COL4A3: variants seen among roughly 807,000 people sequenced by gnomAD.
The protein encoded by COL4A3 is collagen alpha-3(IV) chain.
In COL4A3, 135 loss-of-function variants were observed where a neutral mutation model predicts 217.4. That is an observed-to-expected ratio of 0.62 (90% CI 0.54 to 0.72). The LOEUF (loss-of-function observed/expected upper bound fraction) is 0.72. COL4A3 is among the 30% of genes least tolerant of loss of function. The probability of loss-of-function intolerance (pLI) is 0.00; values close to 1 mark genes in which losing one functional copy is unlikely to be tolerated. For synonymous variants in COL4A3, 690 were observed against 736.3 expected (o/e 0.94, Z 1.02); for missense variants, 1,868 against 2,119.9 (o/e 0.88, Z 2.33).
Position 227,297,679 on chromosome 2 carries a change from A to G in COL4A3, c.3571A>G (p.Lys1191Glu). The G allele has an allele frequency of 6.2e-7, 1 of 1,607,576 alleles. No individual in the cohort carries two copies. Among genetic ancestry groups the G allele is most frequent in the African/African-American group, 1.3e-5 (1 of 75,024 alleles). Residue 1191 changes from lysine to glutamate, a missense_variant, in exon 42 of 52, where the codon AAA becomes GAA. Around this residue, in one of 2 missense-constraint regions of COL4A3, gnomAD observed 1,503 missense variants for 1,786.1 expected, o/e 0.84. Coordinates refer to ENST00000396578, the MANE Select transcript of COL4A3 (RefSeq NM_000091.5). Reference protein sequence around the residue: ...PRGNPGAQGAKGDRGAPGFPG... With the variant: ...PRGNPGAQGAEGDRGAPGFPG... ...TTAAGCCTTCTTCTTTGCAGGAGCCAAAGGAGACAGGGGAGCCCCAGGTTT... is the reference window on the plus strand; with the variant it reads ...TTAAGCCTTCTTCTTTGCAGGAGCCGAAGGAGACAGGGGAGCCCCAGGTTT...
At chr2:227,229,391 T>A (rs1190592037) in intron 1 of COL4A3, among the ~76,000 whole-genome samples, 1 of 152,246 alleles carries the variant, frequency 6.6e-6, no homozygotes, top group African/African-American at 2.4e-5. Flanking sequence ...CAGTGTACTC[T>A]AATAATACTA....
intron 1 of COL4A3, among the ~76,000 whole-genome samples, chr2:227,182,615 G>A (rs980250096): frequency 4.6e-5 from 7 of 152,124 alleles, no homozygotes; most frequent in African/African-American, 7.2e-5. Flanking sequence ...ATCAAGTTGA[G>A]CAGTAGCTTG....
At chr2:227,196,597 G>A (rs1487992502) in intron 1 of COL4A3, among the ~76,000 whole-genome samples, 1 of 152,238 alleles carries the variant, frequency 6.6e-6, no homozygotes, top group Admixed American at 6.5e-5. Flanking sequence ...GATTACAGGC[G>A]TAAGCCACTG....
At chr2:227,247,519 G>T in intron 7 of COL4A3, 39 bp from the exon 8 acceptor site, 1 of 1,609,328 alleles carries the variant, frequency 6.2e-7, no homozygotes, top group South Asian at 1.1e-5. Flanking sequence ...GTGTGCGTTT[G>T]ATATTCCTCT....
intron 43 of COL4A3, 24 bp downstream of exon 43, chr2:227,298,836 C>T: frequency 6.2e-7 from 1 of 1,606,974 alleles, no homozygotes; most frequent in East Asian, 2.2e-5. Flanking sequence ...ATTATTTTGA[C>T]TCATTATTAA....
intron 3 of COL4A3, among the ~76,000 whole-genome samples, chr2:227,243,239 G>GT (rs2069130510): frequency 6.6e-6 from 1 of 152,152 alleles, no homozygotes; most frequent in African/African-American, 2.4e-5. Context: ...TGAGTACCAT[G>GT]TTGTCATAGA....
At chr2:227,309,340 G>T in intron 50 of COL4A3, 22 bp downstream of exon 50, 1 of 1,575,436 alleles carries the variant, frequency 6.3e-7, no homozygotes. Flanking sequence ...AGGAACAGGA[G>T]GTTTAGGGTA....
intron 34 of COL4A3, among the ~76,000 whole-genome samples, chr2:227,288,080 A>G (rs1433435017): frequency 6.6e-6 from 1 of 152,152 alleles, no homozygotes; most frequent in Non-Finnish European, 1.5e-5. Flanking sequence ...TCTGTAAGTA[A>G]TAGAGATTCA....
chr2:227,212,070 C>T (rs2067345322), intron 1 of COL4A3, among the ~76,000 whole-genome samples: 2 of 152,166 alleles, frequency 1.3e-5, no homozygotes, highest in Admixed American at 6.5e-5. Flanking sequence ...TTTCTGAATA[C>T]TCATGACATT....
At chr2:227,197,550 G>A (rs181041587) in intron 1 of COL4A3, among the ~76,000 whole-genome samples, 10 of 152,094 alleles carry the variant, frequency 6.6e-5, no homozygotes, top group Non-Finnish European at 8.8e-5. Flanking sequence ...AAATCACCAA[G>A]ACCAAGTAGT....
intron 23 of COL4A3, among the ~76,000 whole-genome samples, chr2:227,269,125 A>G (rs569621223): frequency 6.6e-6 from 1 of 152,376 alleles, no homozygotes; most frequent in Non-Finnish European, 1.5e-5. Flanking sequence ...TAAAGGGATC[A>G]TCTTGATAGA....
At chr2:227,183,785 T>C (rs1371252950) in intron 1 of COL4A3, among the ~76,000 whole-genome samples, 1 of 152,184 alleles carries the variant, frequency 6.6e-6, no homozygotes, top group Non-Finnish European at 1.5e-5. Flanking sequence ...TGTCAGTCCC[T>C]TAGTCAAAAG....
At chr2:227,200,242 A>G (rs912952785) in intron 1 of COL4A3, among the ~76,000 whole-genome samples, 1 of 150,782 alleles carries the variant, frequency 6.6e-6, no homozygotes, top group East Asian at 2.0e-4. Context: ...CGAAGAAGGG[A>G]CTTTTTTCCT....
chr2:227,195,689 GTGTGTGTA>G (rs1233621539), intron 1 of COL4A3, among the ~76,000 whole-genome samples: 66 of 148,048 alleles, frequency 4.5e-4, no homozygotes, highest in African/African-American at 1.2e-3. Flanking sequence ...GTGTGTGTGT[GTGTGTGTA>G]TGTGTGTGTG....
chr2:227,267,703 T>C (rs1391983186), intron 23 of COL4A3, among the ~76,000 whole-genome samples: 1 of 152,182 alleles, frequency 6.6e-6, no homozygotes, highest in Non-Finnish European at 1.5e-5. Flanking sequence ...CTTCCAAGTT[T>C]TCATGAGAAG....
intron 6 of COL4A3, 100 bp from the exon 7 acceptor site, chr2:227,246,585 G>A (rs2069353735): frequency 2.1e-6 from 2 of 943,302 alleles, no homozygotes; most frequent in Non-Finnish European, 3.4e-6. Context: ...ACTTTGTCTA[G>A]ATTTACCATT....
chr2:227,205,695 C>T (rs1056896826), intron 1 of COL4A3, among the ~76,000 whole-genome samples: 3 of 146,980 alleles, frequency 2.0e-5, no homozygotes, highest in East Asian at 2.0e-4. Context: ...GACTATACAA[C>T]TTAATTCAAC....
In COL4A3 at chr2:227,293,363, A is replaced by G. The variant is rs374844971; in HGVS notation, c.3337+46A>G. The G allele has an allele frequency of 1.1e-5, 18 of 1,598,350 alleles. No individual in the cohort carries two copies. The African/African-American group carries it at 1.6e-4, about 14-fold the overall frequency. ...TCTAAAAGCTGGAAGCATTACTCAG[A>G]GTATAGCCCTCCTGAAATCATTGTG... On this transcript the variant is annotated intron_variant, in intron 38 of 51. Coordinates refer to ENST00000396578, the MANE Select transcript of COL4A3 (RefSeq NM_000091.5).
rs1559839824 is a variant in COL4A3 at position 227,222,155 on chromosome 2, AT to A, written c.88-15812del. 4.2e-5 allele frequency among the ~76,000 whole-genome samples: 4 copies of A among 95,430 alleles called. No homozygotes were observed. In the East Asian group the frequency reaches 8.2e-4, roughly 20 times the overall value. The allele number at this position is 95,430 out of a possible 152,430, so 62.6% of individuals were successfully genotyped here. A position where few individuals can be genotyped will look rare whatever the true frequency, so the allele number is the denominator to read the frequency against. On this transcript the variant is annotated intron_variant, in intron 1 of 51. Transcript: ENST00000396578. Reference sequence around the variant, plus strand: ...AATAATAATAATAATAATAATAATAATAATAATAATGATAATGATAATAAAA... The same window carrying A: ...AATAATAATAATAATAATAATAATAAAATAATAATGATAATGATAATAAAA...
Sources: allele counts gnomAD v4.1 joint callset (sites outside exome capture counted in the v4.1 genomes callset), GRCh38; gene constraint gnomAD v4.1.1; regional missense constraint gnomAD v4.1.1; transcripts MANE v1.5; gene names NCBI Gene and HGNC (gene_info 2026-07-23, HGNC 2026-07-21).